NREP: variants seen among roughly 807,000 people sequenced by gnomAD.
NREP encodes neuronal regeneration-related protein.
In NREP, 5 loss-of-function variants were observed where a neutral mutation model predicts 8.6. The observed-to-expected ratio is 0.58, with a 90% CI of 0.30 to 1.22. The LOEUF (loss-of-function observed/expected upper bound fraction) is 1.22. Ranked by LOEUF, NREP falls within the 50% of genes most tolerant of loss-of-function variation. NREP has a pLI of 0.07. For missense variants in NREP, 86 were observed against 82.5 expected, an observed-to-expected ratio of 1.04 and a Z score of -0.17; for synonymous variants, 27 against 28.0, an observed-to-expected ratio of 0.96 and a Z score of 0.11.
At chr5:111,943,213 A>C (rs751742061) in intron 2 of NREP, among the ~76,000 whole-genome samples, 2 of 152,084 alleles carry the variant, frequency 1.3e-5, no homozygotes, top group Non-Finnish European at 2.9e-5. Flanking sequence ...CCATATTAAT[A>C]ATAGCTAACA....
At chr5:111,972,863 T>C (rs1395497630) in intron 2 of NREP, among the ~76,000 whole-genome samples, 1 of 152,218 alleles carries the variant, frequency 6.6e-6, no homozygotes, top group Non-Finnish European at 1.5e-5. Flanking sequence ...CTTGAACCCA[T>C]GTGGGCTGCA....
chr5:111,788,968 C>T (rs1348329958), intron 2 of NREP, among the ~76,000 whole-genome samples: 1 of 152,214 alleles, frequency 6.6e-6, no homozygotes, highest in Non-Finnish European at 1.5e-5. Flanking sequence ...AGCATCAGCT[C>T]TTCCCGCCTG....
chr5:111,895,261 G>T (rs1450308328), intron 2 of NREP, among the ~76,000 whole-genome samples: 1 of 152,176 alleles, frequency 6.6e-6, no homozygotes, highest in Non-Finnish European at 1.5e-5. Context: ...AGTGAAAAAT[G>T]AGTGAGGCTT....
intron 2 of NREP, among the ~76,000 whole-genome samples, chr5:111,859,665 T>G (rs560087786): frequency 6.6e-6 from 1 of 152,204 alleles, no homozygotes; most frequent in South Asian, 2.1e-4. Flanking sequence ...TAGGTATTTA[T>G]TTTTCTAAAA....
intron 2 of NREP, among the ~76,000 whole-genome samples, chr5:111,881,491 C>T (rs898461237): frequency 2.6e-4 from 40 of 152,172 alleles, no homozygotes; most frequent in Non-Finnish European, 4.7e-4. Flanking sequence ...TCTCCCAGAA[C>T]GCAGCTGGAG....
At chr5:111,778,052 G>A (rs1364849351) in intron 2 of NREP, among the ~76,000 whole-genome samples, 1 of 152,118 alleles carries the variant, frequency 6.6e-6, no homozygotes, top group Non-Finnish European at 1.5e-5. Flanking sequence ...GAAAGCCCAA[G>A]AAACTGATAC....
intron 2 of NREP, among the ~76,000 whole-genome samples, chr5:111,857,140 G>C (rs1344448749): frequency 6.6e-6 from 1 of 152,174 alleles, no homozygotes; most frequent in Non-Finnish European, 1.5e-5. Context: ...ATGGAAGCTA[G>C]CCTGCAGGTT....
chr5:111,948,721 G>T (rs533826907), intron 2 of NREP: 1 of 152,050 alleles, frequency 6.6e-6, no homozygotes, highest in African/African-American at 2.4e-5. Context: ...GCATAGAACA[G>T]CTCACTGTAA....
chr5:111,772,176 G>A (rs1751246523), intron 2 of NREP, among the ~76,000 whole-genome samples: 1 of 152,120 alleles, frequency 6.6e-6, no homozygotes, highest in African/African-American at 2.4e-5. Flanking sequence ...TACAAGCTAG[G>A]TTTTCTGCTT....
intron 2 of NREP, among the ~76,000 whole-genome samples, chr5:111,894,580 C>A (rs1754464939): frequency 6.6e-6 from 1 of 152,098 alleles, no homozygotes; most frequent in Admixed American, 6.6e-5. Context: ...CTTTCCAAGA[C>A]CACAGCCACT....
At chr5:111,847,593 G>A (rs766162473) in intron 2 of NREP, among the ~76,000 whole-genome samples, 1 of 152,152 alleles carries the variant, frequency 6.6e-6, no homozygotes, top group Non-Finnish European at 1.5e-5. Flanking sequence ...CTGCAAAGCA[G>A]TATGGTCCAA....
At chr5:111,916,481 C>T (rs186787680) in intron 2 of NREP, among the ~76,000 whole-genome samples, 71 of 152,134 alleles carry the variant, frequency 4.7e-4, no homozygotes, top group African/African-American at 1.6e-3. Context: ...GATGGAGTAC[C>T]CTATCATCAC....
chr5:111,775,393 TA>T (rs1443065340), intron 2 of NREP, among the ~76,000 whole-genome samples: 1 of 152,160 alleles, frequency 6.6e-6, no homozygotes, highest in Non-Finnish European at 1.5e-5. Context: ...GGCAGCTGAT[TA>T]CCACATATAA....
At chr5:111,855,945 C>G (rs1280434418) in intron 2 of NREP, among the ~76,000 whole-genome samples, 3 of 152,292 alleles carry the variant, frequency 2.0e-5, no homozygotes, top group Middle Eastern at 3.4e-3. Context: ...CCTGTTTTGT[C>G]TACTTTTCTT....
At chr5:111,942,487 G>A (rs759037843) in intron 2 of NREP, among the ~76,000 whole-genome samples, 2 of 151,986 alleles carry the variant, frequency 1.3e-5, no homozygotes, top group Admixed American at 6.6e-5. Context: ...CATTGCAGGT[G>A]TCTTTTTTTC....
At chr5:111,879,833 G>A (rs1370492706) in intron 2 of NREP, among the ~76,000 whole-genome samples, 2 of 152,116 alleles carry the variant, frequency 1.3e-5, no homozygotes, top group Non-Finnish European at 1.5e-5. Flanking sequence ...AAGAAAGAGA[G>A]AGAGAGAAAA....
chr5:111,959,896 C>T (rs775474939), intron 2 of NREP, among the ~76,000 whole-genome samples: 1 of 151,808 alleles, frequency 6.6e-6, no homozygotes, highest in Non-Finnish European at 1.5e-5. Context: ...ATGTATTATA[C>T]ATTTATTATA....
intron 2 of NREP, among the ~76,000 whole-genome samples, chr5:111,790,901 CA>C (rs1191865934): frequency 2.0e-5 from 3 of 152,092 alleles, no homozygotes. Context: ...TCATGGGATG[CA>C]AAACCACATA....
chr5:111,955,503 A>C (rs72786283), intron 2 of NREP, among the ~76,000 whole-genome samples: 4,124 of 52,936 alleles, frequency 0.078, 77 homozygotes, highest in Non-Finnish European at 0.12. Flanking sequence ...AAACAAAAAA[A>C]AAAAACACAT....
Sources: allele counts gnomAD v4.1 joint callset (sites outside exome capture counted in the v4.1 genomes callset), GRCh38; gene constraint gnomAD v4.1.1; transcripts MANE v1.5; gene names NCBI Gene and HGNC (gene_info 2026-07-23, HGNC 2026-07-21).